Variants in CERS6 observed in about 807,000 individuals in gnomAD.
CERS6 encodes the protein ceramide synthase 6, also known as LAG1 homolog, ceramide synthase 6.
In CERS6, 26 loss-of-function variants were observed where a neutral mutation model predicts 56.8. The ratio of observed to expected loss-of-function variants is 0.46; its 90% CI spans 0.34 to 0.63. The LOEUF (loss-of-function observed/expected upper bound fraction) is 0.63. CERS6 is among the 30% of genes least tolerant of loss of function. The pLI, the probability that CERS6 is intolerant of heterozygous loss-of-function variation, is 0.01. For missense variants in CERS6, 415 were observed against 467.5 expected (o/e 0.89, Z 1.04); for synonymous variants, 164 against 173.3 (o/e 0.95, Z 0.42).
chr2:168,473,827 T>G (rs550453196), intron 1 of CERS6, among the ~76,000 whole-genome samples: 1 of 152,232 alleles, frequency 6.6e-6, no homozygotes, highest in African/African-American at 2.4e-5. Context: ...GTAGTTGATA[T>G]ACATGTCCTT....
intron 4 of CERS6, among the ~76,000 whole-genome samples, chr2:168,675,346 A>T (rs1686030634): frequency 6.6e-6 from 1 of 152,216 alleles, no homozygotes; most frequent in East Asian, 2.0e-4. Context: ...GCACTTTGGG[A>T]GGCCGAGGCA....
At chr2:168,747,419 A>AT (rs1684140886) in intron 8 of CERS6, among the ~76,000 whole-genome samples, 1 of 152,084 alleles carries the variant, frequency 6.6e-6, no homozygotes, top group South Asian at 2.1e-4. Context: ...ATTTTTAATC[A>AT]TTTTTTAAAA....
At chr2:168,502,263 G>A (rs1047220648) in intron 1 of CERS6, among the ~76,000 whole-genome samples, 26 of 152,010 alleles carry the variant, frequency 1.7e-4, no homozygotes, top group Admixed American at 1.4e-3. Context: ...ATTTTGTCTC[G>A]GGGGTTGAAA....
At chr2:168,721,573 A>C (rs1314929897) in intron 8 of CERS6, among the ~76,000 whole-genome samples, 3 of 98,572 alleles carry the variant, frequency 3.0e-5, no homozygotes, top group South Asian at 7.4e-4. Flanking sequence ...TTTGTTTAAA[A>C]AAAACCAAAA....
chr2:168,574,732 CACCT>C (rs2105391460), intron 3 of CERS6, among the ~76,000 whole-genome samples: 1 of 152,144 alleles, frequency 6.6e-6, no homozygotes, highest in South Asian at 2.1e-4. Context: ...GAATTGAATT[CACCT>C]ACCTAATCAA....
At chr2:168,593,050 AC>A (rs1683711745) in intron 3 of CERS6, among the ~76,000 whole-genome samples, 1 of 151,904 alleles carries the variant, frequency 6.6e-6, no homozygotes, top group Non-Finnish European at 1.5e-5. Flanking sequence ...GGGCTTCTTG[AC>A]CCTTCCTCCA....
intron 1 of CERS6, among the ~76,000 whole-genome samples, chr2:168,516,595 G>A (rs1435591070): frequency 6.6e-6 from 1 of 152,194 alleles, no homozygotes; most frequent in Non-Finnish European, 1.5e-5. Context: ...GCCTTTTACA[G>A]TTATTTTGGG....
intron 8 of CERS6, among the ~76,000 whole-genome samples, chr2:168,732,169 A>T (rs1683557979): frequency 6.6e-6 from 1 of 152,190 alleles, no homozygotes; most frequent in Non-Finnish European, 1.5e-5. Context: ...CCATTAAAAA[A>T]TTTAAGTAGA....
chr2:168,741,364 T>G (rs1197014075), intron 8 of CERS6, among the ~76,000 whole-genome samples: 1 of 99,194 alleles, frequency 1.0e-5, no homozygotes, highest in Non-Finnish European at 2.0e-5. Context: ...ATGTATGGAT[T>G]TGGAGAATTA....
chr2:168,528,913 CAAAT>C (rs1695117694), intron 1 of CERS6, among the ~76,000 whole-genome samples: 1 of 152,148 alleles, frequency 6.6e-6, no homozygotes, highest in Admixed American at 6.5e-5. Flanking sequence ...GCCTTGAATT[CAAAT>C]AAACGATTGT....
intron 4 of CERS6, among the ~76,000 whole-genome samples, chr2:168,640,430 G>A (rs1298114799): frequency 6.6e-6 from 1 of 152,154 alleles, no homozygotes; most frequent in Non-Finnish European, 1.5e-5. Context: ...ACTGATCTCT[G>A]TTCATTTGTT....
rs567834887 is a variant in CERS6, at chr2:168,525,213, C to T, written c.171-22383C>T. The stretch of plus-strand genomic sequence containing the variant: ...GTGGTTCTCAAGCTTCAGCATGCCT[C>T]GGGATTACCTGGAGGGCTTGTTAAA... On this transcript the variant is annotated intron_variant, in intron 1 of 9. Transcript: ENST00000305747. 3.5e-4 allele frequency among the ~76,000 whole-genome samples: 53 copies of T among 152,284 alleles called. No individual in the cohort carries two copies. In the East Asian group the frequency reaches 4.8e-3, roughly 14 times the overall value.
chr2:168,541,295 C>T (rs1244037945), intron 1 of CERS6, among the ~76,000 whole-genome samples: 1 of 152,114 alleles, frequency 6.6e-6, no homozygotes, highest in Non-Finnish European at 1.5e-5. Flanking sequence ...GCACAGAACG[C>T]CCAGACTATA....
Position 168,773,381 on chromosome 2 carries a change from A to C in CERS6, c.*3719A>C, listed in dbSNP as rs1273795296. The C allele has an allele frequency of 6.6e-6, 1 of 152,222 alleles. No homozygotes were observed. Among genetic ancestry groups the C allele is most frequent in the Admixed American group, 6.5e-5 (1 of 15,280 alleles). The allele number at this position is 152,222 out of a possible 1,614,324, so 9.4% of individuals were successfully genotyped here. On this transcript the variant is annotated 3_prime_UTR_variant, in exon 10 of 10. Coordinates refer to ENST00000305747, the MANE Select transcript of CERS6 (RefSeq NM_203463.3). The stretch of plus-strand genomic sequence containing the variant: ...ATAAAAAGTTAAATGTTTACATTTC[A>C]TGTGGTATTTCAGGTCTTCAGGTTC...
intron 3 of CERS6, among the ~76,000 whole-genome samples, chr2:168,565,514 T>C (rs1346940280): frequency 6.6e-6 from 1 of 152,222 alleles, no homozygotes; most frequent in African/African-American, 2.4e-5. Flanking sequence ...AAAGGATCTA[T>C]ATAATTTTTC....
At chr2:168,742,246 T>C (rs1683934894) in intron 8 of CERS6, among the ~76,000 whole-genome samples, 1 of 152,266 alleles carries the variant, frequency 6.6e-6, no homozygotes, top group African/African-American at 2.4e-5. Context: ...GATGTTCTTA[T>C]TCTTTTTTCT....
chr2:168,672,731 G>A (rs1463386258), intron 4 of CERS6, among the ~76,000 whole-genome samples: 1 of 152,118 alleles, frequency 6.6e-6, no homozygotes, highest in Non-Finnish European at 1.5e-5. Context: ...CTTATATTCA[G>A]CAAATCTCTT....
At chr2:168,509,135 A>G (rs1219328872) in intron 1 of CERS6, among the ~76,000 whole-genome samples, 3 of 152,216 alleles carry the variant, frequency 2.0e-5, no homozygotes, top group African/African-American at 4.8e-5. Flanking sequence ...GGTTGATTCT[A>G]TACCCTCAGT....
intron 8 of CERS6, among the ~76,000 whole-genome samples, chr2:168,760,667 A>C (rs1404200049): frequency 2.0e-5 from 3 of 152,136 alleles, no homozygotes; most frequent in Non-Finnish European, 4.4e-5. Context: ...TAGTTTGCCC[A>C]AAAAAAGAAC....
Sources: allele counts gnomAD v4.1 joint callset (sites outside exome capture counted in the v4.1 genomes callset), GRCh38; gene constraint gnomAD v4.1.1; transcripts MANE v1.5; gene names NCBI Gene and HGNC (gene_info 2026-07-23, HGNC 2026-07-21).